Variants in CHST9 observed in about 807,000 individuals in gnomAD.
CHST9 encodes carbohydrate sulfotransferase 9, also known as GalNAc-4-sulfotransferase 2.
In CHST9, 41 loss-of-function variants were observed where a neutral mutation model predicts 44.4. The ratio of observed to expected loss-of-function variants is 0.92; its 90% CI spans 0.72 to 1.20. The LOEUF (loss-of-function observed/expected upper bound fraction) is 1.20. CHST9 is among the 50% of genes most tolerant of loss of function. The pLI, the probability that CHST9 is intolerant of heterozygous loss-of-function variation, is 0.00. For missense variants in CHST9, 504 were observed against 516.5 expected, an observed-to-expected ratio of 0.98 and a Z score of 0.23; for synonymous variants, 171 against 178.4, an observed-to-expected ratio of 0.96 and a Z score of 0.33.
chr18:27,041,379 A>G (rs1008458764), intron 3 of CHST9, among the ~76,000 whole-genome samples: 9 of 152,302 alleles, frequency 5.9e-5, no homozygotes, highest in South Asian at 2.1e-4. Context: ...AAAGAAACAC[A>G]TACATGTTGT....
rs977545038 is a variant in CHST9 at position 26,914,543 on chromosome 18, G to A, written c.*1716C>T. The A allele has an allele frequency of 5.9e-6, 1 of 169,222 alleles. No homozygotes were observed. The highest frequency in any genetic ancestry group is 1.3e-5 in the Non-Finnish European group (1 of 79,744). 10.5% of individuals were successfully genotyped at this position (169,222 alleles called of 1,614,324 possible). ...TAAAAACTGAGAGCACAGCTTAAGTGTATGGTCTAGAGGCAAGAGTTAATG... is the reference window on the plus strand; with the variant it reads ...TAAAAACTGAGAGCACAGCTTAAGTATATGGTCTAGAGGCAAGAGTTAATG... On this transcript the variant is annotated 3_prime_UTR_variant, in exon 6 of 6. Transcript: ENST00000618847.
chr18:27,151,386 G>A (rs765876538), intron 1 of CHST9, among the ~76,000 whole-genome samples: 26 of 152,170 alleles, frequency 1.7e-4, no homozygotes, highest in Non-Finnish European at 3.5e-4. Context: ...AACACCTCAC[G>A]TAAGCACAGT....
chr18:27,076,162 T>C (rs888001234), intron 2 of CHST9, among the ~76,000 whole-genome samples: 4 of 152,220 alleles, frequency 2.6e-5, no homozygotes, highest in Non-Finnish European at 4.4e-5. Context: ...CTTATCTAAA[T>C]GTGCAATTTC....
At chr18:26,994,029 GTC>G (rs2056856268) in intron 4 of CHST9, among the ~76,000 whole-genome samples, 1 of 152,152 alleles carries the variant, frequency 6.6e-6, no homozygotes, top group African/African-American at 2.4e-5. Context: ...CAGATTTGAT[GTC>G]TCTCTTTGTG....
At chr18:27,105,106 G>T (rs2058209371) in intron 2 of CHST9, among the ~76,000 whole-genome samples, 1 of 151,414 alleles carries the variant, frequency 6.6e-6, no homozygotes. Flanking sequence ...AGTGACATTT[G>T]AAAAGAAGAC....
chr18:26,964,658 C>T (rs1223620456), intron 4 of CHST9, among the ~76,000 whole-genome samples: 1 of 152,248 alleles, frequency 6.6e-6, no homozygotes, highest in Admixed American at 6.5e-5. Flanking sequence ...ATTGCCTTCC[C>T]ACCTCCAGCA....
At position 26,916,465 on chromosome 18, in the gene CHST9, C is replaced by G. The variant is rs770534738; in HGVS notation, c.1126G>C (p.Asp376His). The G allele has an allele frequency of 6.2e-7, 1 of 1,613,730 alleles. No individual in the cohort carries two copies. Among genetic ancestry groups the G allele is most frequent in the Non-Finnish European group, 8.5e-7 (1 of 1,179,726 alleles). ...ATCATCTGTAAAAAGTAATTGGCAT[C>G]TTCTTCCAAAGTCTCAAATTTCCCT... ...FVGKFETLEE[D>H]ANYFLQMIGA... is the part of the protein sequence containing the mutation. Residue 376 changes from aspartate to histidine, a missense_variant, in exon 6 of 6, where the codon GAT becomes CAT. Coordinates refer to ENST00000618847, the MANE Select transcript of CHST9 (RefSeq NM_031422.6).
intron 2 of CHST9, among the ~76,000 whole-genome samples, chr18:27,056,999 A>T (rs1322332752): frequency 6.6e-6 from 1 of 152,206 alleles, no homozygotes; most frequent in African/African-American, 2.4e-5. Flanking sequence ...TTTAGGATGC[A>T]GGCTTTATGG....
chr18:27,053,894 G>A (rs138227183), intron 2 of CHST9, among the ~76,000 whole-genome samples: 1 of 152,102 alleles, frequency 6.6e-6, no homozygotes, highest in East Asian at 1.9e-4. Context: ...CTTTTCTTTT[G>A]TGCCAGCTCC....
intron 2 of CHST9, among the ~76,000 whole-genome samples, chr18:27,061,933 C>T (rs1332090355): frequency 6.6e-6 from 1 of 152,124 alleles, no homozygotes; most frequent in Non-Finnish European, 1.5e-5. Context: ...ACAACCTTTG[C>T]CGACATAAAG....
chr18:27,161,217 A>G (rs1423283345), intron 1 of CHST9, among the ~76,000 whole-genome samples: 3 of 152,246 alleles, frequency 2.0e-5, no homozygotes, highest in East Asian at 1.9e-4. Context: ...TGTCAATTTT[A>G]GATCTTTCCT....
intron 1 of CHST9, 58 bp from the exon 2 acceptor site, chr18:27,142,963 A>C: frequency 3.2e-6 from 2 of 633,754 alleles, no homozygotes; most frequent in Non-Finnish European, 2.6e-6. Context: ...ATTCTCAAAT[A>C]CGGCATAAAT....
intron 2 of CHST9, among the ~76,000 whole-genome samples, chr18:27,054,167 G>A (rs2057623487): frequency 6.6e-6 from 1 of 152,134 alleles, no homozygotes; most frequent in African/African-American, 2.4e-5. Context: ...TTTTAGTACT[G>A]CTAAAATGCA....
At chr18:27,086,195 C>T (rs1486285129) in intron 2 of CHST9, among the ~76,000 whole-genome samples, 2 of 152,072 alleles carry the variant, frequency 1.3e-5, no homozygotes, top group Non-Finnish European at 2.9e-5. Context: ...GATGAAATAG[C>T]CTGTACACAA....
chr18:26,983,054 T>G (rs74397786), intron 4 of CHST9, among the ~76,000 whole-genome samples: 3,028 of 152,200 alleles, frequency 0.02, 117 homozygotes, highest in African/African-American at 0.069. Flanking sequence ...TGTGTAAATA[T>G]TAGCCGGGCT....
intron 1 of CHST9, among the ~76,000 whole-genome samples, chr18:27,184,906 C>T (rs1309260402): frequency 6.6e-6 from 1 of 152,186 alleles, no homozygotes; most frequent in Admixed American, 6.5e-5. Context: ...CGCCCCCCAC[C>T]TCCCGCCATG....
At chr18:26,964,557 CTG>C (rs2056440617) in intron 4 of CHST9, among the ~76,000 whole-genome samples, 1 of 152,230 alleles carries the variant, frequency 6.6e-6, no homozygotes, top group Non-Finnish European at 1.5e-5. Context: ...AGGCAGCAGA[CTG>C]TGGGCCGTAA....
At chr18:27,177,092 T>C (rs1314526773) in intron 1 of CHST9, among the ~76,000 whole-genome samples, 1 of 152,050 alleles carries the variant, frequency 6.6e-6, no homozygotes, top group Non-Finnish European at 1.5e-5. Context: ...CATTCTCTGA[T>C]AATAAAAATT....
chr18:27,122,169 T>C (rs2143811781), intron 2 of CHST9, among the ~76,000 whole-genome samples: 1 of 152,348 alleles, frequency 6.6e-6, no homozygotes, highest in South Asian at 2.1e-4. Context: ...TTAAAATGAA[T>C]GAATTACAGA....
Sources: allele counts gnomAD v4.1 joint callset (sites outside exome capture counted in the v4.1 genomes callset), GRCh38; gene constraint gnomAD v4.1.1; transcripts MANE v1.5; gene names NCBI Gene and HGNC (gene_info 2026-07-23, HGNC 2026-07-21).